TCF4: variants seen among roughly 807,000 people sequenced by gnomAD.
The protein encoded by TCF4 is transcription factor 4, also known as SL3-3 enhancer factor 2.
Under a neutral mutation model 82.1 loss-of-function variants are expected in TCF4, and 3 were observed. The ratio of observed to expected loss-of-function variants is 0.04; its 90% confidence interval spans 0.02 to 0.09. TCF4 has a LOEUF of 0.09. Among genes scored for constraint, TCF4 ranks in the 10% least tolerant of loss-of-function variants. TCF4 has a pLI of 1.00. For missense variants in TCF4, 518 were observed against 852.7 expected (o/e 0.61, Z 4.89); for synonymous variants, 276 against 309.6 (o/e 0.89, Z 1.14).
intron 3 of TCF4, among the ~76,000 whole-genome samples, chr18:55,530,587 A>G (rs1362928570): frequency 6.6e-6 from 1 of 151,444 alleles, no homozygotes; most frequent in Non-Finnish European, 1.5e-5. Flanking sequence ...CTAAGGGGGA[A>G]AAAGAGGGTC....
At chr18:55,436,975 C>T (rs901394929) in intron 5 of TCF4, among the ~76,000 whole-genome samples, 1 of 152,170 alleles carries the variant, frequency 6.6e-6, no homozygotes, top group African/African-American at 2.4e-5. Context: ...GAAAGTGTAA[C>T]AAAATCACCC....
chr18:55,596,722 CA>C (rs1372191783), intron 2 of TCF4, among the ~76,000 whole-genome samples: 4 of 152,036 alleles, frequency 2.6e-5, no homozygotes, highest in Non-Finnish European at 4.4e-5. Flanking sequence ...AGTGAAATGG[CA>C]TAACGGAAAA....
intron 5 of TCF4, among the ~76,000 whole-genome samples, chr18:55,442,793 A>G (rs1440753282): frequency 3.9e-5 from 6 of 152,226 alleles, no homozygotes; most frequent in Admixed American, 6.5e-5. Flanking sequence ...CCAGGTGCAT[A>G]GAAGAACTTT....
At chr18:55,393,268 G>A (rs928264090) in intron 6 of TCF4, among the ~76,000 whole-genome samples, 2 of 152,174 alleles carry the variant, frequency 1.3e-5, no homozygotes, top group Non-Finnish European at 1.5e-5. Flanking sequence ...GGAGGCTGAG[G>A]AGGGAGGATT....
chr18:55,398,185 T>C (rs1421289268), intron 6 of TCF4, among the ~76,000 whole-genome samples: 1 of 152,144 alleles, frequency 6.6e-6, no homozygotes, highest in Non-Finnish European at 1.5e-5. Flanking sequence ...TCCCCTTTGA[T>C]AAGTACCGGC....
rs1230604737 is a variant in TCF4, at chr18:55,222,769, A to C, written c.*5266T>G. ...GTAGATTGATGTCCATTCTACAAAA[A>C]TATTAACTTACAGTACATAACACTG... On this transcript the variant is annotated 3_prime_UTR_variant, in exon 20 of 20. Transcript: ENST00000354452. 6.5e-6 allele frequency: 1 copy of C among 152,678 alleles called. No individual in the cohort carries two copies. The highest frequency in any genetic ancestry group is 2.4e-5 in the African/African-American group (1 of 41,464). The allele number at this position is 152,678 out of a possible 1,614,324, so 9.5% of individuals were successfully genotyped here.
intron 3 of TCF4, among the ~76,000 whole-genome samples, chr18:55,547,834 G>A (rs1051630300): frequency 6.6e-6 from 1 of 152,178 alleles, no homozygotes; most frequent in Non-Finnish European, 1.5e-5. Context: ...CAGTGATTCT[G>A]TGATATATAA....
chr18:55,276,911 C>T (rs2061589911), intron 9 of TCF4, among the ~76,000 whole-genome samples: 1 of 152,138 alleles, frequency 6.6e-6, no homozygotes, highest in Non-Finnish European at 1.5e-5. Flanking sequence ...TAACTGGACT[C>T]ATTTCATATT....
intron 2 of TCF4, among the ~76,000 whole-genome samples, chr18:55,597,392 TCCCTCTCC>T (rs1206747112): frequency 6.6e-6 from 1 of 151,758 alleles, no homozygotes; most frequent in Non-Finnish European, 1.5e-5. Context: ...CTTTCCCCCT[TCCCTCTCC>T]CCCAAAGAAA....
chr18:55,263,603 G>A (rs1162893281), intron 11 of TCF4, among the ~76,000 whole-genome samples: 1 of 151,970 alleles, frequency 6.6e-6, no homozygotes, highest in Admixed American at 6.6e-5. Flanking sequence ...TCAAAACTCT[G>A]CCTCAAACAA....
At chr18:55,405,612 G>A (rs1233901171) in intron 5 of TCF4, among the ~76,000 whole-genome samples, 2 of 152,112 alleles carry the variant, frequency 1.3e-5, no homozygotes, top group Non-Finnish European at 2.9e-5. Flanking sequence ...TTTCTGCCAG[G>A]ATTTGCCTCA....
At chr18:55,499,305 AGAAACAG>A (rs1304091722) in intron 3 of TCF4, among the ~76,000 whole-genome samples, 2 of 152,200 alleles carry the variant, frequency 1.3e-5, no homozygotes, top group Non-Finnish European at 2.9e-5. Context: ...TCAGGTAGGA[AGAAACAG>A]GAATCTGATA....
intron 15 of TCF4, among the ~76,000 whole-genome samples, chr18:55,249,307 G>A (rs1463653410): frequency 6.6e-6 from 1 of 152,156 alleles, no homozygotes; most frequent in Non-Finnish European, 1.5e-5. Flanking sequence ...ATGCTCTTTT[G>A]ATAGACTGCA....
At chr18:55,407,849 A>G (rs1226511543) in intron 5 of TCF4, among the ~76,000 whole-genome samples, 4 of 152,176 alleles carry the variant, frequency 2.6e-5, no homozygotes, top group Non-Finnish European at 5.9e-5. Flanking sequence ...CGATACATCC[A>G]TGGTATCCTA....
intron 5 of TCF4, among the ~76,000 whole-genome samples, chr18:55,431,758 C>T (rs1040619194): frequency 1.3e-5 from 2 of 152,164 alleles, no homozygotes; most frequent in African/African-American, 4.8e-5. Context: ...ACTGCAGGTG[C>T]TGGTGGTATC....
intron 15 of TCF4, 96 bp downstream of exon 15, chr18:55,254,401 T>C (rs1746024863): frequency 2.5e-6 from 3 of 1,206,174 alleles, no homozygotes; most frequent in Non-Finnish European, 3.6e-6. Context: ...TATATCTCAA[T>C]AAAGCTGATT....
chr18:55,371,100 G>A lies in TCF4; in HGVS notation c.370-20097C>T, dbSNP rs369795306. Among the ~76,000 whole-genome samples the A allele has an allele frequency of 1.1e-4, 16 of 152,248 alleles. No individual in the cohort carries two copies. In the East Asian group the frequency reaches 2.9e-3, roughly 28 times the overall value. ...CTGTATCAAAGCTTAGACATATATG[G>A]TGTGACTAGCTATTTTGGTATTATT... On this transcript the variant is annotated intron_variant, in intron 6 of 19. Transcript: ENST00000354452.
At chr18:55,287,945 GA>G (rs143674984) in intron 8 of TCF4, among the ~76,000 whole-genome samples, 12,010 of 151,568 alleles carry the variant, frequency 0.079, 984 homozygotes, top group African/African-American at 0.21. Flanking sequence ...TTACAAGGGG[GA>G]AAAAAAACCC....
intron 5 of TCF4, among the ~76,000 whole-genome samples, chr18:55,458,611 C>T (rs2095812476): frequency 6.6e-6 from 1 of 152,134 alleles, no homozygotes. Context: ...AAAGTGGTTT[C>T]ATTTTAAATA....
Sources: gnomAD v4.1 joint callset for allele counts (sites outside exome capture counted in the v4.1 genomes callset) on GRCh38, gnomAD v4.1.1 for gene constraint, MANE v1.5 for transcripts, NCBI Gene and HGNC (gene_info 2026-07-23, HGNC 2026-07-21) for gene names.